Variants in CLCN2 observed in about 807,000 individuals in gnomAD.
CLCN2 encodes the protein chloride voltage-gated channel 2.
CLCN2 carries 72 observed loss-of-function variants against 108.3 expected under a neutral mutation model. The ratio of observed to expected loss-of-function variants is 0.66; its 90% CI spans 0.55 to 0.81. The LOEUF is 0.81. CLCN2 is among the 30% of genes least tolerant of loss of function. CLCN2 has a pLI of 0.00. For synonymous variants in CLCN2, 471 were observed against 467.1 expected, an observed-to-expected ratio of 1.01 and a Z score of -0.11; for missense variants, 1,048 against 1,205.2, an observed-to-expected ratio of 0.87 and a Z score of 1.93.
At position 184,358,216 on chromosome 3, in the gene CLCN2, G is replaced by C. The variant is rs756635413; in HGVS notation, c.447C>G (p.Ala149=). 1 of 1,614,124 alleles carries C rather than the reference G, an allele frequency of 6.2e-7. No homozygotes were observed. Among genetic ancestry groups the C allele is most frequent in the Admixed American group, 1.7e-5 (1 of 60,012 alleles). ...TYPVVLITFS[A]GFTQILAPQA... is the part of the protein sequence containing the mutation. Reference sequence around the variant, plus strand: ...GAGGGGCCAGGATCTGTGTGAATCCGGCTGAGAAAGTGATGAGGACAACAG... The same window carrying C: ...GAGGGGCCAGGATCTGTGTGAATCCCGCTGAGAAAGTGATGAGGACAACAG... Residue 149 remains alanine (A), a synonymous_variant, in exon 4 of 24, where the codon GCC becomes GCG. Transcript: ENST00000265593.
rs1254810010 is a variant in CLCN2, at chr3:184,354,608, C to T, written c.1447G>A (p.Asp483Asn). The T allele has an allele frequency of 5.6e-6, 9 of 1,612,506 alleles. No homozygotes were observed. The highest frequency in any genetic ancestry group is 6.8e-6 in the Non-Finnish European group (8 of 1,179,924). The change falls in exon 14 of 24, where the codon GAT (aspartate) becomes AAT (asparagine). Residue 483 changes from aspartate (D) to asparagine (N), a missense_variant. Transcript: ENST00000265593. The stretch of plus-strand genomic sequence containing the variant: ...GTGCTGCTGTCCGTATGAATTCCAT[C>T]TGGGAACCAGGCAGCCATGCTTTCA... Reference protein sequence around the residue: ...VGESMAAWFPDGIHTDSSTYR... With the variant: ...VGESMAAWFPNGIHTDSSTYR...
chr3:184,347,872 T>C (rs959581774), intron 22 of CLCN2: 1 of 152,232 alleles, frequency 6.6e-6, no homozygotes, highest in African/African-American at 2.4e-5. Context: ...GGTTCAGAAA[T>C]TGTCAGCCAG....
In CLCN2 at chr3:184,346,672, C is replaced by T. The variant is rs757272090; in HGVS notation, c.2631G>A (p.Gly877=). ...GGGGGAGGCCATGACGGGAGTGGGGCCCCCAGAGTGCATGCACCTCAGTGG... is the reference window on the plus strand; with the variant it reads ...GGGGGAGGCCATGACGGGAGTGGGGTCCCCAGAGTGCATGCACCTCAGTGG... ...TETTEVHALW[G]PHSRHGLPRE... is the part of the protein sequence containing the mutation. Residue 877 remains glycine (G), a synonymous_variant, in exon 24 of 24, where the codon GGG becomes GGA. Transcript: ENST00000265593. This position sits in a 1 kb window ranked among gnomAD's most constrained non-coding sequence, Gnocchi z 6.0. The T allele has an allele frequency of 2.5e-6, 4 of 1,614,112 alleles. No homozygotes were observed. The highest frequency in any genetic ancestry group is 1.7e-4 in the Middle Eastern group (1 of 6,060).
In CLCN2 at chr3:184,358,105, GA is replaced by G; in HGVS notation, c.482-11del. 6.2e-7 allele frequency: 1 copy of G among 1,614,088 alleles called. No individual in the cohort carries two copies. Among genetic ancestry groups the G allele is most frequent in the Non-Finnish European group, 8.5e-7 (1 of 1,180,028 alleles). ...TCAGGGATGCCAGAGCCTGGAGAGG[GA>G]ACAGTCTCAGGAGAGGCATTCGATG... On this transcript the variant is annotated splice_polypyrimidine_tract_variant and intron_variant, in intron 4 of 23. Coordinates refer to ENST00000265593, the MANE Select transcript of CLCN2 (RefSeq NM_004366.6).
chr3:184,357,158 C>A (rs780028469), intron 9 of CLCN2, 24 bp downstream of exon 9: 4 of 1,611,508 alleles, frequency 2.5e-6, no homozygotes, highest in East Asian at 4.5e-5. Flanking sequence ...CTCTCTGATA[C>A]CCCCAGCCCC....
chr3:184,353,893 C>A (rs2108565024), intron 15 of CLCN2, 98 bp from the exon 16 acceptor site: 1 of 1,541,158 alleles, frequency 6.5e-7, no homozygotes, highest in East Asian at 2.4e-5. Context: ...CAGAGCCCAT[C>A]CATGGGGACG....
At position 184,357,268 on chromosome 3, in the gene CLCN2, T is replaced by C; in HGVS notation, c.899-2A>G. On this transcript the variant is annotated splice_acceptor_variant, in intron 8 of 23. Coordinates refer to ENST00000265593, the MANE Select transcript of CLCN2 (RefSeq NM_004366.6). LOFTEE classifies it high-confidence loss of function. ...TTTTGAAGAGGGCTGTAATAGTCTC[T>C]AAAGGGAAGAACAGCAGAGGGAGGC... The C allele has an allele frequency of 6.2e-7, 1 of 1,613,958 alleles. No homozygotes were observed. The highest frequency in any genetic ancestry group is 2.2e-5 in the East Asian group (1 of 44,884).
intron 15 of CLCN2, 23 bp downstream of exon 15, chr3:184,354,078 C>T (rs770702381): frequency 6.2e-7 from 1 of 1,608,948 alleles, no homozygotes; most frequent in South Asian, 1.1e-5. Context: ...CCCACAGCCC[C>T]CTTGGCACCC....
At chr3:184,351,832 G>A (rs1486092187) in intron 22 of CLCN2, among the ~76,000 whole-genome samples, 181 bp downstream of exon 22, 1 of 152,150 alleles carries the variant, frequency 6.6e-6, no homozygotes. Flanking sequence ...CACAGAGCAG[G>A]AGGAGGCTGC....
chr3:184,354,764 A>G lies in CLCN2; in HGVS notation c.1397-106T>C, dbSNP rs566105962. The G allele has an allele frequency of 1.8e-5, 24 of 1,300,448 alleles. No individual in the cohort carries two copies. In the South Asian group the frequency reaches 2.8e-4, roughly 15 times the overall value. 80.6% of individuals were successfully genotyped at this position (1,300,448 alleles called of 1,614,324 possible). On this transcript the variant is annotated intron_variant, in intron 13 of 23. Transcript: ENST00000265593. ...TGAGGGAGGGGCCAACGGGTCATTCAGTGTAGGGCACAGCCCTGTGGGGTC... is the reference window on the plus strand; with the variant it reads ...TGAGGGAGGGGCCAACGGGTCATTCGGTGTAGGGCACAGCCCTGTGGGGTC...
intron 22 of CLCN2, among the ~76,000 whole-genome samples, chr3:184,351,157 G>A (rs768070530): frequency 1.3e-5 from 2 of 152,130 alleles, no homozygotes; most frequent in Admixed American, 1.3e-4. Flanking sequence ...CTTAGGCAGA[G>A]CTTGTGTGTA....
chr3:184,359,234 G>A, intron 1 of CLCN2, 103 bp from the exon 2 acceptor site: 1 of 1,391,642 alleles, frequency 7.2e-7, no homozygotes, highest in Non-Finnish European at 1.0e-6. Flanking sequence ...CCCCCACACT[G>A]GATATCCCTC....
chr3:184,356,939 CTG>C (rs1728595249), intron 10 of CLCN2, 52 bp downstream of exon 10: 1 of 1,270,588 alleles, frequency 7.9e-7, no homozygotes, highest in African/African-American at 1.5e-5. Flanking sequence ...CCCTGACCTA[CTG>C]TGGCCCTTAT....
Position 184,361,323 on chromosome 3 carries a change from G to A in CLCN2, c.63+94C>T. 6 of 1,301,562 alleles carry A rather than the reference G, an allele frequency of 4.6e-6. No individual in the cohort carries two copies. The highest frequency in any genetic ancestry group is 1.2e-5 in the South Asian group (1 of 84,936). 80.6% of individuals were successfully genotyped at this position (1,301,562 alleles called of 1,614,324 possible). A position where few individuals can be genotyped will look rare whatever the true frequency, so the allele number is the denominator to read the frequency against. ...TCCCCAGCTCAAAATGCTAGGACAGGATTAGGGTAGGCCCCTGGTCCTCGC... is the reference window on the plus strand; with the variant it reads ...TCCCCAGCTCAAAATGCTAGGACAGAATTAGGGTAGGCCCCTGGTCCTCGC... On this transcript the variant is annotated intron_variant, in intron 1 of 23. Coordinates refer to ENST00000265593, the MANE Select transcript of CLCN2 (RefSeq NM_004366.6). This position sits in a 1 kb window ranked among gnomAD's most constrained non-coding sequence, Gnocchi z 6.6.
At chr3:184,352,976 C>T in intron 18 of CLCN2, 57 bp downstream of exon 18, 1 of 1,569,072 alleles carries the variant, frequency 6.4e-7, no homozygotes, top group Non-Finnish European at 8.8e-7. Context: ...GGCAGGGACT[C>T]TAATGGATCT....
At chr3:184,358,950 C>G (rs1215002158) in intron 2 of CLCN2, 25 bp downstream of exon 2, 1 of 1,613,544 alleles carries the variant, frequency 6.2e-7, no homozygotes, top group Admixed American at 1.7e-5. Context: ...ACAGCCAGGT[C>G]CCCTGCCCCC....
intron 10 of CLCN2, chr3:184,356,046 C>T (rs1728522926): frequency 8.3e-6 from 4 of 480,268 alleles, no homozygotes; most frequent in Non-Finnish European, 1.2e-5. Flanking sequence ...ATCCTCCAAG[C>T]CCTCCCTTGG....
At chr3:184,352,559 T>C in intron 19 of CLCN2, 63 bp from the exon 20 acceptor site, 1 of 1,553,894 alleles carries the variant, frequency 6.4e-7, no homozygotes, top group Non-Finnish European at 8.8e-7. Flanking sequence ...AGAGGGGAGG[T>C]GAGGGGAAGT....
rs763800521 is a variant in CLCN2, at chr3:184,357,257, G to A, written c.908C>T (p.Thr303Ile). ...CCGGAATCGGGTTTTGAAGAGGGCT[G>A]TAATAGTCTCTAAAGGGAAGAACAG... ...AVWNRDEETI[T>I]ALFKTRFRLD... Residue 303 changes from threonine to isoleucine, a missense_variant, in exon 9 of 24, where the codon ACA becomes ATA. Transcript: ENST00000265593. 20 of 1,614,038 alleles carry A rather than the reference G, an allele frequency of 1.2e-5. No homozygotes were observed. Among genetic ancestry groups the A allele is most frequent in the Non-Finnish European group, 1.7e-5 (20 of 1,180,022 alleles).
Sources: allele counts gnomAD v4.1 joint callset (sites outside exome capture counted in the v4.1 genomes callset), GRCh38; gene constraint gnomAD v4.1.1; non-coding constraint Gnocchi (gnomAD v3.1); transcripts MANE v1.5; gene names NCBI Gene and HGNC (gene_info 2026-07-23, HGNC 2026-07-21).